Variants in PLXND1 observed in about 807,000 individuals in gnomAD.
PLXND1 encodes the protein plexin D1.
A neutral mutation model predicts 197.7 loss-of-function variants in PLXND1; 54 were observed. The observed-to-expected ratio is 0.27, with a 90% confidence interval of 0.22 to 0.34. The LOEUF (loss-of-function observed/expected upper bound fraction) is 0.34. Among genes scored for constraint, PLXND1 ranks in the 10% least tolerant of loss-of-function variants. The pLI, the probability that PLXND1 is intolerant of heterozygous loss-of-function variation, is 1.00. For missense variants in PLXND1, 2,127 were observed against 2,699.2 expected, an observed-to-expected ratio of 0.79 and a Z score of 4.70; for synonymous variants, 1,180 against 1,161.2, an observed-to-expected ratio of 1.02 and a Z score of -0.33.
chr3:129,592,223 T>C (rs1051434313), intron 1 of PLXND1, among the ~76,000 whole-genome samples: 8 of 152,068 alleles, frequency 5.3e-5, no homozygotes, highest in African/African-American at 1.7e-4. Flanking sequence ...CTGAGCGGTC[T>C]CCCCAGCTGC....
Position 129,577,652 on chromosome 3 carries a change from G to A in PLXND1, c.2346+677C>T, listed in dbSNP as rs993967234. The stretch of plus-strand genomic sequence containing the variant: ...AGGTGGGGAGGGGGGTGGCTGGCAC[G>A]CCTCCAGGACTCGTCAACGCTTCCC... On this transcript the variant is annotated intron_variant, in intron 9 of 35. Coordinates refer to ENST00000324093, the MANE Select transcript of PLXND1 (RefSeq NM_015103.3). This position sits in a 1 kb window ranked among gnomAD's most constrained non-coding sequence, Gnocchi z 5.0. Among the ~76,000 whole-genome samples the A allele has an allele frequency of 5.9e-5, 9 of 152,124 alleles. No homozygotes were observed. Among genetic ancestry groups the A allele is most frequent in the Non-Finnish European group, 8.8e-5 (6 of 68,004 alleles).
chr3:129,601,958 G>A (rs573265897), intron 1 of PLXND1, among the ~76,000 whole-genome samples: 1 of 152,272 alleles, frequency 6.6e-6, no homozygotes, highest in South Asian at 2.1e-4. Flanking sequence ...ATATATTTGC[G>A]ACTGAGTGAA....
Position 129,586,146 on chromosome 3 carries a change from C to T in PLXND1, c.1721+26G>A, listed in dbSNP as rs768709063. 2.5e-6 allele frequency: 4 copies of T among 1,610,872 alleles called. No homozygotes were observed. In the African/African-American group the frequency reaches 5.3e-5, roughly 22 times the overall value. On this transcript the variant is annotated intron_variant, in intron 4 of 35. Transcript: ENST00000324093. ...TCCCACCCCCACAGCCCTCCTGGTCCAGCTGTTGCTGGTGTCCAGCCTCAC... is the reference window on the plus strand; with the variant it reads ...TCCCACCCCCACAGCCCTCCTGGTCTAGCTGTTGCTGGTGTCCAGCCTCAC...
In PLXND1 at chr3:129,574,458, C is replaced by A; in HGVS notation, c.2563G>T (p.Asp855Tyr). 6.2e-7 allele frequency: 1 copy of A among 1,613,096 alleles called. No individual in the cohort carries two copies. The highest frequency in any genetic ancestry group is 8.5e-7 in the Non-Finnish European group (1 of 1,179,918). The change falls in exon 12 of 36, where the codon GAC (aspartate) becomes TAC (tyrosine). Residue 855 changes from aspartate (D) to tyrosine (Y), a missense_variant. This residue lies in a region of PLXND1 where 1,095 missense variants were observed against 1,259.8 expected (regional missense o/e 0.87). Transcript: ENST00000324093. ...TCGCGGCCCAGGCACTGGGAACAGT[C>A]GGGGCTGCCCATGGCACAGTTATAG... ...MVYNCAMGSP[D>Y]CSQCLGREDL... is the part of the protein sequence containing the mutation.
intron 1 of PLXND1, among the ~76,000 whole-genome samples, chr3:129,595,744 G>C (rs916527142): frequency 6.6e-6 from 1 of 152,172 alleles, no homozygotes; most frequent in Admixed American, 6.5e-5. Context: ...AAGCCAGCCA[G>C]CCAGGCCGCC....
chr3:129,589,307 G>GCCGGCCCCCC, intron 2 of PLXND1, 44 bp downstream of exon 2: 3 of 684,690 alleles, frequency 4.4e-6, no homozygotes, highest in East Asian at 3.6e-5. Flanking sequence ...TCCCAGGGGA[G>GCCGGCCCCCC]CCTCCCACCC....
Position 129,571,689 on chromosome 3 carries a change from C to T in PLXND1, c.3233G>A (p.Arg1078His), listed in dbSNP as rs139105373. ...GTGCCAGTCTCACCTGACAGGGCTG[C>T]GGCGGGGACTGATGGCCGTGATGAC... Reference protein sequence around the residue: ...NPVITAISPRRSPVSGGRTIT... With the variant: ...NPVITAISPRHSPVSGGRTIT... The change falls in exon 16 of 36, where the codon CGC becomes CAC. Residue 1078 changes from arginine to histidine, a missense_variant. By Grantham distance (29) the Arg-to-His change is conservative (BLOSUM62 0). Transcript: ENST00000324093. The T allele has an allele frequency of 5.3e-4, 854 of 1,613,784 alleles. No individual in the cohort carries two copies. The highest frequency in any genetic ancestry group is 6.6e-4 in the Non-Finnish European group (775 of 1,179,976).
At chr3:129,572,976 T>C in intron 13 of PLXND1, 35 bp from the exon 14 acceptor site, 1 of 1,520,954 alleles carries the variant, frequency 6.6e-7, no homozygotes. Flanking sequence ...CAGCGGTCCT[T>C]GGCCCCCACG....
At position 129,605,948 on chromosome 3, in the gene PLXND1, C is replaced by T. The variant is rs753949955; in HGVS notation, c.692G>A (p.Arg231His). 6.2e-7 allele frequency: 1 copy of T among 1,613,032 alleles called. No homozygotes were observed. Among genetic ancestry groups the T allele is most frequent in the Admixed American group, 1.7e-5 (1 of 60,026 alleles). ...FPRNRSLEDH[R>H]FENTPEIAIR... Reference sequence around the variant, plus strand: ...GGCGATCTCGGGCGTGTTCTCGAAGCGGTGGTCCTCCAGGCTGCGGTTGCG... The same window carrying T: ...GGCGATCTCGGGCGTGTTCTCGAAGTGGTGGTCCTCCAGGCTGCGGTTGCG... The change falls in exon 1 of 36, where the codon CGC becomes CAC. Residue 231 changes from arginine to histidine, a missense_variant. Physicochemically the swap from Arg to His is conservative, Grantham distance 29. Transcript: ENST00000324093.
At position 129,606,016 on chromosome 3, in the gene PLXND1, G is replaced by A; in HGVS notation, c.624C>T (p.Leu208=). The A allele has an allele frequency of 6.2e-7, 1 of 1,606,416 alleles. No homozygotes were observed. The highest frequency in any genetic ancestry group is 8.5e-7 in the Non-Finnish European group (1 of 1,178,360). Residue 208 remains leucine (L), a synonymous_variant, in exon 1 of 36, where the codon CTC becomes CTT. Coordinates refer to ENST00000324093, the MANE Select transcript of PLXND1 (RefSeq NM_015103.3). ...CGTAACCGGTGTACGTGGCGCCCAC[G>A]AGCAGGCGGCTGCCCCCCGCGCCCG... ...PAAGAGGSRL[L]VGATYTGYGS...
Position 129,605,654 on chromosome 3 carries a change from C to T in PLXND1, c.986G>A (p.Gly329Asp). The T allele has an allele frequency of 6.5e-7, 1 of 1,536,528 alleles. No individual in the cohort carries two copies. Among genetic ancestry groups the T allele is most frequent in the Non-Finnish European group, 8.7e-7 (1 of 1,145,208 alleles). The part of the protein sequence containing the change: ...ARICLPHGAG[G>D]DAKKLTESYI... ...GGACTCGGTGAGCTTCTTGGCGTCG[C>T]CGCCGGCGCCGTGGGGCAGGCAGAT... Residue 329 changes from glycine to aspartate, a missense_variant, in exon 1 of 36, where the codon GGC (glycine) becomes GAC (aspartate). Physicochemically the swap from Gly to Asp is moderately conservative, Grantham distance 94. Transcript: ENST00000324093.
chr3:129,580,869 C>T (rs1185363385), intron 8 of PLXND1, among the ~76,000 whole-genome samples: 1 of 151,940 alleles, frequency 6.6e-6, no homozygotes, highest in Non-Finnish European at 1.5e-5. Flanking sequence ...GTTCCTACCA[C>T]CCCACTCTCT....
At position 129,605,515 on chromosome 3, in the gene PLXND1, G is replaced by C; in HGVS notation, c.1125C>G (p.Pro375=). 6.6e-7 allele frequency: 1 copy of C among 1,512,860 alleles called. No individual in the cohort carries two copies. Among genetic ancestry groups the C allele is most frequent in the Non-Finnish European group, 8.8e-7 (1 of 1,137,308 alleles). 93.7% of individuals were successfully genotyped at this position (1,512,860 alleles called of 1,614,324 possible). The change falls in exon 1 of 36, where the codon CCC becomes CCG. Residue 375 remains proline (P), a synonymous_variant. Transcript: ENST00000324093. The part of the protein sequence containing the change: ...RERLFAVFER[P]QGSPAARAAP... ...CAGCGCGGGCCGCGGGGGACCCCTG[G>C]GGCCGCTCGAAGACAGCAAAGAGCC...
chr3:129,570,323 A>G (rs1374306168), intron 19 of PLXND1, among the ~76,000 whole-genome samples: 2 of 152,150 alleles, frequency 1.3e-5, no homozygotes, highest in African/African-American at 4.8e-5. Flanking sequence ...GAGGACTCAG[A>G]GTGCAGGACT....
At chr3:129,600,897 GT>G (rs200289974) in intron 1 of PLXND1, among the ~76,000 whole-genome samples, 3 of 151,904 alleles carry the variant, frequency 2.0e-5, no homozygotes, top group African/African-American at 7.2e-5. Flanking sequence ...CTGCCTGATG[GT>G]TTTTTTTCCA....
rs754395648 is a variant in PLXND1 at position 129,606,450 on chromosome 3, G to A, written c.190C>T (p.Leu64=). The A allele has an allele frequency of 4.1e-6, 6 of 1,456,390 alleles. No homozygotes were observed. The highest frequency in any genetic ancestry group is 2.7e-5 in the Admixed American group (1 of 36,514). 90.2% of individuals were successfully genotyped at this position (1,456,390 alleles called of 1,614,324 possible). The change falls in exon 1 of 36, where the codon CTG becomes TTG. Residue 64 remains leucine, a synonymous_variant. Transcript: ENST00000324093. ...TACACGGTCCCCGCCGCGCCGTCCA[G>A]GGCGAAGTTGTTGGTGGGCGTGGGC... The part of the protein sequence containing the change: ...PSPTPTNNFA[L]DGAAGTVYLA...
In PLXND1 at chr3:129,573,613, T is replaced by C. The variant is rs768307077; in HGVS notation, c.2818A>G (p.Arg940Gly). 5.6e-6 allele frequency: 9 copies of C among 1,613,318 alleles called. No homozygotes were observed. The highest frequency in any genetic ancestry group is 3.4e-6 in the Non-Finnish European group (4 of 1,179,966). The change falls in exon 13 of 36, where the codon AGA becomes GGA. Residue 940 changes from arginine to glycine, a missense_variant. Transcript: ENST00000324093. ...ACTCACTCCTCCGACACCGTGTATCTGTCAGGCAGTGGCTCACAGGCCACA... is the reference window on the plus strand; with the variant it reads ...ACTCACTCCTCCGACACCGTGTATCCGTCAGGCAGTGGCTCACAGGCCACA... ...GGVACEPLPD[R>G]YTVSEEIVCV...
rs1223828291 is a variant in PLXND1, at chr3:129,577,921, G to A, written c.2346+408C>T. Among the ~76,000 whole-genome samples the A allele has an allele frequency of 4.6e-5, 7 of 152,226 alleles. No homozygotes were observed. The highest frequency in any genetic ancestry group is 2.4e-5 in the African/African-American group (1 of 41,454). On this transcript the variant is annotated intron_variant, in intron 9 of 35. Coordinates refer to ENST00000324093, the MANE Select transcript of PLXND1 (RefSeq NM_015103.3). This position sits in a 1 kb window ranked among gnomAD's most constrained non-coding sequence, Gnocchi z 5.0. Reference sequence around the variant, plus strand: ...GGTTCTCTGGTCATTCTGCAGGGAAGACATGGAAGCCACCCACGGGGCAGT... The same window carrying A: ...GGTTCTCTGGTCATTCTGCAGGGAAAACATGGAAGCCACCCACGGGGCAGT...
intron 13 of PLXND1, 130 bp from the exon 14 acceptor site, chr3:129,573,071 A>G: frequency 1.5e-6 from 1 of 651,826 alleles, no homozygotes; most frequent in Non-Finnish European, 2.7e-6. Context: ...TTACCCCATC[A>G]GTTTCCCACA....
Sources: gnomAD v4.1 joint callset for allele counts (sites outside exome capture counted in the v4.1 genomes callset) on GRCh38, gnomAD v4.1.1 for gene constraint, gnomAD v4.1.1 regional missense constraint, Gnocchi (gnomAD v3.1) non-coding constraint, MANE v1.5 for transcripts, NCBI Gene and HGNC (gene_info 2026-07-23, HGNC 2026-07-21) for gene names.